Variants in AIMP2 observed in about 807,000 individuals in gnomAD.
AIMP2 encodes the protein aminoacyl tRNA synthetase complex interacting multifunctional protein 2, also known as aminoacyl tRNA synthase complex-interacting multifunctional protein 2.
AIMP2 carries 20 observed loss-of-function variants against 23.4 expected under a neutral mutation model. The observed-to-expected ratio is 0.85, with a 90% CI of 0.60 to 1.24. The LOEUF (loss-of-function observed/expected upper bound fraction) is 1.24. Among genes scored for constraint, AIMP2 ranks in the 50% most tolerant of loss-of-function variants. The pLI, the probability that AIMP2 is intolerant of heterozygous loss-of-function variation, is 0.00. For synonymous variants in AIMP2, 210 were observed against 170.4 expected (o/e 1.23, Z -1.81); for missense variants, 515 against 414.5 (o/e 1.24, Z -2.10).
At chr7:6,010,178 T>G (rs1786538907) in intron 1 of AIMP2, among the ~76,000 whole-genome samples, 1 of 151,194 alleles carries the variant, frequency 6.6e-6, no homozygotes, top group Non-Finnish European at 1.5e-5. Context: ...TTTTTCTTTT[T>G]TTAATATATG....
At chr7:6,014,250 C>CTTTTTTTTTTTTTT (rs57008315) in intron 1 of AIMP2, among the ~76,000 whole-genome samples, 4 of 67,518 alleles carry the variant, frequency 5.9e-5, no homozygotes, top group African/African-American at 1.2e-4. Flanking sequence ...TTTGTTGAAG[C>CTTTTTTTTTTTTTT]TTTTTTTTTT....
Position 6,023,752 on chromosome 7 carries a change from A to T in AIMP2, c.*61A>T, listed in dbSNP as rs748008909. Reference sequence around the variant, plus strand: ...AGAATGGTGCTCTTTCATGCCTATTATCAGTAAGGGGACTTGTATTAGAGT... The same window carrying T: ...AGAATGGTGCTCTTTCATGCCTATTTTCAGTAAGGGGACTTGTATTAGAGT... On this transcript the variant is annotated 3_prime_UTR_variant, in exon 4 of 4. Coordinates refer to ENST00000223029, the MANE Select transcript of AIMP2 (RefSeq NM_006303.4). 4.3e-6 allele frequency: 7 copies of T among 1,612,486 alleles called. No individual in the cohort carries two copies. The highest frequency in any genetic ancestry group is 4.2e-6 in the Non-Finnish European group (5 of 1,179,094).
Position 6,023,514 on chromosome 7 carries a change from T to C in AIMP2, c.786T>C (p.Ala262=). The change falls in exon 4 of 4, where the codon GCT becomes GCC. Residue 262 remains alanine (A), a synonymous_variant. Coordinates refer to ENST00000223029, the MANE Select transcript of AIMP2 (RefSeq NM_006303.4). ...CTGTTTTCCGCTCCATGAACTCTGC[T>C]CTTGGGAAGAGCCCTTGGCTCGCTG... ...KAAVFRSMNS[A]LGKSPWLAGN... 6.2e-7 allele frequency: 1 copy of C among 1,614,202 alleles called. No homozygotes were observed. The highest frequency in any genetic ancestry group is 8.5e-7 in the Non-Finnish European group (1 of 1,180,034).
chr7:6,012,967 A>C (rs769848787), intron 1 of AIMP2: 211 of 987,426 alleles, frequency 2.1e-4, no homozygotes, highest in Non-Finnish European at 2.4e-4. Flanking sequence ...GAGGTGAGAA[A>C]GTGCTGATTA....
intron 1 of AIMP2, 50 bp from the exon 2 acceptor site, chr7:6,015,096 C>A: frequency 6.2e-7 from 1 of 1,610,298 alleles, no homozygotes; most frequent in Non-Finnish European, 8.5e-7. Flanking sequence ...ATTTAAACAA[C>A]ACTGGTCTGA....
intron 3 of AIMP2, among the ~76,000 whole-genome samples, chr7:6,018,999 G>A (rs944094996): frequency 9.1e-6 from 1 of 110,212 alleles, no homozygotes; most frequent in East Asian, 2.5e-4. Flanking sequence ...ACAATACATG[G>A]CACCACTTGC....
At chr7:6,013,785 A>G (rs1786847855) in intron 1 of AIMP2, among the ~76,000 whole-genome samples, 1 of 152,050 alleles carries the variant, frequency 6.6e-6, no homozygotes, top group South Asian at 2.1e-4. Flanking sequence ...CTTTGTCTCT[A>G]CAAAAAAATT....
At chr7:6,020,993 T>G (rs1049724459) in intron 3 of AIMP2, among the ~76,000 whole-genome samples, 1 of 152,138 alleles carries the variant, frequency 6.6e-6, no homozygotes, top group Middle Eastern at 3.2e-3. Flanking sequence ...CAAGAACGCT[T>G]TTTCTGGATT....
In AIMP2 at chr7:6,015,153, C is replaced by G. The variant is rs1262546153; in HGVS notation, c.143C>G (p.Ser48Cys). ...APGAGHVQEESNLSLQALESR... is the reference protein window; with the variant it reads ...APGAGHVQEECNLSLQALESR... ...GGCTGTTGGTTTGTTTAGGAAGAGT[C>G]TAACCTGTCTCTGCAAGCTCTTGAG... is the stretch of plus-strand genomic sequence containing the variant. Residue 48 changes from serine to cysteine, a missense_variant, in exon 2 of 4, where the codon TCT becomes TGT. Ser to Cys is a moderately radical substitution (Grantham distance 112, BLOSUM62 -1). Coordinates refer to ENST00000223029, the MANE Select transcript of AIMP2 (RefSeq NM_006303.4). The G allele has an allele frequency of 1.2e-6, 2 of 1,613,978 alleles. No homozygotes were observed. The highest frequency in any genetic ancestry group is 2.7e-5 in the African/African-American group (2 of 74,930).
At chr7:6,014,880 A>AG (rs999273879) in intron 1 of AIMP2, 27 of 460,770 alleles carry the variant, frequency 5.9e-5, no homozygotes, top group African/African-American at 5.5e-4. Context: ...CCACCATGCC[A>AG]GGCTAATTTT....
At chr7:6,018,703 AGGC>A (rs1562729255) in intron 3 of AIMP2, among the ~76,000 whole-genome samples, 1 of 151,624 alleles carries the variant, frequency 6.6e-6, no homozygotes, top group East Asian at 2.0e-4. Flanking sequence ...GTGTGGTAGC[AGGC>A]GCCTGTAATC....
At chr7:6,009,974 A>AAAAATATATATAT in intron 1 of AIMP2, among the ~76,000 whole-genome samples, 2 of 26,668 alleles carry the variant, frequency 7.5e-5, no homozygotes, top group African/African-American at 1.4e-4. Context: ...AAAAAAAAAA[A>AAAAATATATATAT]ATATATATAT....
In AIMP2 at chr7:6,015,324, C is replaced by T. The variant is rs774134623; in HGVS notation, c.314C>T (p.Ala105Val). 27 of 1,614,140 alleles carry T rather than the reference C, an allele frequency of 1.7e-5. No individual in the cohort carries two copies. The highest frequency in any genetic ancestry group is 1.1e-4 in the East Asian group (5 of 44,874). ...GAGCCCACGACTTTAACCACCAATG[C>T]GCTGGACTTGAATTCAGTGCTTGGG... ...ADEPTTLTTN[A>V]LDLNSVLGKD... The change falls in exon 2 of 4, where the codon GCG becomes GTG. Residue 105 changes from alanine to valine, a missense_variant. Transcript: ENST00000223029.
rs1217235170 is a variant in AIMP2 at position 6,023,729 on chromosome 7, A to T, written c.*38A>T. ...GATTTTAAAGGGTTTAGATTTTAAG[A>T]ATGGTGCTCTTTCATGCCTATTATC... On this transcript the variant is annotated 3_prime_UTR_variant, in exon 4 of 4. Coordinates refer to ENST00000223029, the MANE Select transcript of AIMP2 (RefSeq NM_006303.4). The T allele has an allele frequency of 2.5e-6, 4 of 1,614,110 alleles. No homozygotes were observed.
chr7:6,023,697 C>G lies in AIMP2; in HGVS notation c.*6C>G. ...CCCTCAAGCTCCTTAAGTGAATTGC[C>G]GTAACTGATTTTAAAGGGTTTAGAT... On this transcript the variant is annotated 3_prime_UTR_variant, in exon 4 of 4. Transcript: ENST00000223029. The G allele has an allele frequency of 1.9e-6, 3 of 1,613,930 alleles. No homozygotes were observed. The highest frequency in any genetic ancestry group is 4.5e-5 in the East Asian group (2 of 44,872).
chr7:6,020,708 G>A (rs1056889679), intron 3 of AIMP2, among the ~76,000 whole-genome samples: 4 of 152,214 alleles, frequency 2.6e-5, no homozygotes, highest in Non-Finnish European at 5.9e-5. Context: ...AAATCATGGA[G>A]GAGATGGGAT....
chr7:6,013,433 G>A (rs1223223702), intron 1 of AIMP2, among the ~76,000 whole-genome samples: 1 of 151,628 alleles, frequency 6.6e-6, no homozygotes, highest in African/African-American at 2.4e-5. Context: ...GCTAATTTTT[G>A]TACTTTTAGT....
intron 1 of AIMP2, among the ~76,000 whole-genome samples, chr7:6,011,194 G>A (rs13240138): frequency 0.11 from 17,346 of 152,092 alleles, 1,134 homozygotes; most frequent in Middle Eastern, 0.16. Context: ...ACTAATGAAT[G>A]GGACTGCTGG....
intron 1 of AIMP2, among the ~76,000 whole-genome samples, chr7:6,013,512 C>A (rs1389082379): frequency 4.6e-5 from 7 of 152,062 alleles, no homozygotes; most frequent in African/African-American, 1.4e-4. Context: ...CTGCCCCTCT[C>A]GGCCTCCCAA....
Sources: gnomAD v4.1 joint callset for allele counts (sites outside exome capture counted in the v4.1 genomes callset) on GRCh38, gnomAD v4.1.1 for gene constraint, MANE v1.5 for transcripts, NCBI Gene and HGNC (gene_info 2026-07-23, HGNC 2026-07-21) for gene names.